Variants in OTUD7A observed in about 807,000 individuals in gnomAD.
The protein encoded by OTUD7A is OTU deubiquitinase 7A, also known as OTU domain-containing protein 7A.
Under a neutral mutation model 65.7 loss-of-function variants are expected in OTUD7A, and 12 were observed. That is an observed-to-expected ratio of 0.18 (90% CI 0.12 to 0.30). The LOEUF is 0.30. OTUD7A is among the 10% of genes least tolerant of loss of function. OTUD7A has a pLI of 1.00. For synonymous variants in OTUD7A, 641 were observed against 586.3 expected, an observed-to-expected ratio of 1.09 and a Z score of -1.35; for missense variants, 1,148 against 1,304.8, an observed-to-expected ratio of 0.88 and a Z score of 1.85.
At chr15:31,623,375 G>GAGGC (rs1347119711) in intron 3 of OTUD7A, among the ~76,000 whole-genome samples, 1 of 152,216 alleles carries the variant, frequency 6.6e-6, no homozygotes, top group Non-Finnish European at 1.5e-5. Flanking sequence ...GGAGTCTACA[G>GAGGC]AGGCAGGCAG....
At chr15:31,497,254 AT>A (rs35331601) in intron 10 of OTUD7A, among the ~76,000 whole-genome samples, 33,561 of 148,064 alleles carry the variant, frequency 0.23, 4,130 homozygotes, top group Non-Finnish European at 0.29. Context: ...TTATATGTTA[AT>A]TTTTTTTTTT....
chr15:31,484,248 GC>G lies in OTUD7A; in HGVS notation c.1847del (p.Gly616AlafsTer10). Reference protein sequence around the residue: ...SPAEKGGGPRGDAWKYSTDVK... With the variant: ...SPAEKGGGPRXDAWKYSTDVK... ...CATCCGTGCTGTACTTCCAGGCGTC[GC>G]CCCGCGGCCCACCGCCCTTCTCCGC... On this transcript the variant is annotated frameshift_variant, in exon 13 of 13. Coordinates refer to ENST00000307050, the MANE Select transcript of OTUD7A (RefSeq NM_001382637.1). LOFTEE classifies it low-confidence loss of function (END_TRUNC). This position sits in a 1 kb window ranked among gnomAD's most constrained non-coding sequence, Gnocchi z 4.5. 6.3e-7 allele frequency: 1 copy of G among 1,597,124 alleles called. No individual in the cohort carries two copies. The highest frequency in any genetic ancestry group is 8.5e-7 in the Non-Finnish European group (1 of 1,174,236).
At chr15:31,513,638 A>G (rs2041796015) in intron 8 of OTUD7A, among the ~76,000 whole-genome samples, 1 of 152,142 alleles carries the variant, frequency 6.6e-6, no homozygotes, top group African/African-American at 2.4e-5. Flanking sequence ...GTTAGATTGG[A>G]TTGGGTCAAG....
At chr15:31,521,171 T>G (rs1388528684) in intron 8 of OTUD7A, among the ~76,000 whole-genome samples, 1 of 152,150 alleles carries the variant, frequency 6.6e-6, no homozygotes, top group East Asian at 1.9e-4. Flanking sequence ...AATTACAATG[T>G]TCACTACTTG....
At chr15:31,763,315 A>G (rs1282482635) in intron 1 of OTUD7A, among the ~76,000 whole-genome samples, 1 of 152,092 alleles carries the variant, frequency 6.6e-6, no homozygotes, top group Admixed American at 6.5e-5. Context: ...ACAACAAAAG[A>G]CAGAAGTCTC....
intron 1 of OTUD7A, among the ~76,000 whole-genome samples, chr15:31,835,926 G>A (rs1301732855): frequency 2.0e-5 from 3 of 146,550 alleles, no homozygotes; most frequent in Non-Finnish European, 4.5e-5. Context: ...CTTACTAGAT[G>A]AGGATCCCTA....
intron 3 of OTUD7A, among the ~76,000 whole-genome samples, chr15:31,644,906 C>A (rs1021857938): frequency 5.9e-5 from 9 of 152,190 alleles, no homozygotes; most frequent in African/African-American, 2.2e-4. Context: ...CTGTATCAGC[C>A]CCAGGCACTG....
chr15:31,640,099 G>C (rs1891466482), intron 3 of OTUD7A, among the ~76,000 whole-genome samples: 1 of 152,160 alleles, frequency 6.6e-6, no homozygotes, highest in Non-Finnish European at 1.5e-5. Flanking sequence ...AGGTTAAAAA[G>C]ATTTTCTCAT....
intron 9 of OTUD7A, among the ~76,000 whole-genome samples, chr15:31,502,178 T>C (rs576887488): frequency 4.6e-5 from 7 of 152,344 alleles, no homozygotes; most frequent in Admixed American, 2.0e-4. Flanking sequence ...AGCATTTGTA[T>C]ACAACAGAGT....
At chr15:31,766,444 A>C (rs1895096735) in intron 1 of OTUD7A, 3 of 1,582,096 alleles carry the variant, frequency 1.9e-6, no homozygotes, top group Non-Finnish European at 1.7e-6. Context: ...AACACAGAAG[A>C]AGCTGGAAGT....
chr15:31,815,632 T>G lies in OTUD7A; in HGVS notation c.-100+54875A>C, dbSNP rs533079358. 2.5e-4 allele frequency among the ~76,000 whole-genome samples: 38 copies of G among 152,328 alleles called. No individual in the cohort carries two copies. The South Asian group carries it at 7.7e-3, about 31-fold the overall frequency. On this transcript the variant is annotated intron_variant, in intron 1 of 12. Coordinates refer to ENST00000307050, the MANE Select transcript of OTUD7A (RefSeq NM_001382637.1). ...TTTGCAAAGATCCTCTGGTCTATGG[T>G]TGGGTCCATTCCGGAAACAGGGCGC...
chr15:31,821,306 T>TTA (rs1345193683), intron 1 of OTUD7A, among the ~76,000 whole-genome samples: 1 of 140,388 alleles, frequency 7.1e-6, no homozygotes, highest in Non-Finnish European at 1.5e-5. Context: ...CAGGTACCTT[T>TTA]TTTTTTTTTT....
intron 6 of OTUD7A, among the ~76,000 whole-genome samples, chr15:31,529,084 G>A (rs1369257602): frequency 6.6e-6 from 1 of 152,166 alleles, no homozygotes; most frequent in Non-Finnish European, 1.5e-5. Flanking sequence ...TGTGGGGTGT[G>A]GCCTTGCCCC....
At chr15:31,805,640 T>C (rs1896250258) in intron 1 of OTUD7A, among the ~76,000 whole-genome samples, 1 of 152,162 alleles carries the variant, frequency 6.6e-6, no homozygotes, top group African/African-American at 2.4e-5. Flanking sequence ...TGACATCACA[T>C]TCAGTGCCTT....
In OTUD7A at chr15:31,855,395, A is replaced by T. The variant is rs78235279; in HGVS notation, c.-100+15112T>A. Among the ~76,000 whole-genome samples the T allele has an allele frequency of 2.3e-4, 35 of 152,360 alleles. No homozygotes were observed. The East Asian group carries it at 6.7e-3, about 29-fold the overall frequency. On this transcript the variant is annotated intron_variant, in intron 1 of 12. Transcript: ENST00000307050. ...AAGAGTTATTTTCAAGCTTGCAAGA[A>T]TTCTTCAAGTTTGAGTGTGCCATGA...
chr15:31,480,005 A>G lies in OTUD7A; in HGVS notation c.*3289T>C, dbSNP rs1257041232. On this transcript the variant is annotated 3_prime_UTR_variant, in exon 13 of 13. Transcript: ENST00000307050. ...TTTCAATAAAAAAAGACACTGATAC[A>G]TTCCCACTTTCAGAAGGTATTTGAA... 3.3e-5 allele frequency: 5 copies of G among 152,180 alleles called. No individual in the cohort carries two copies. The highest frequency in any genetic ancestry group is 4.8e-5 in the African/African-American group (2 of 41,442). The allele number at this position is 152,180 out of a possible 1,614,324, so 9.4% of individuals were successfully genotyped here. A position where few individuals can be genotyped will look rare whatever the true frequency, so the allele number is the denominator to read the frequency against.
At chr15:31,626,400 G>A (rs950228661) in intron 3 of OTUD7A, among the ~76,000 whole-genome samples, 3 of 152,094 alleles carry the variant, frequency 2.0e-5, no homozygotes. Flanking sequence ...TCTAGGTGGT[G>A]GGTACATGGT....
intron 6 of OTUD7A, among the ~76,000 whole-genome samples, chr15:31,528,709 G>A (rs8039067): frequency 0.069 from 10,566 of 152,278 alleles, 427 homozygotes; most frequent in Middle Eastern, 0.11. Context: ...GCATATATCT[G>A]CCTACAGGCC....
chr15:31,576,079 G>C (rs1889194871), intron 3 of OTUD7A, among the ~76,000 whole-genome samples: 2 of 152,106 alleles, frequency 1.3e-5, no homozygotes, highest in Admixed American at 6.5e-5. Flanking sequence ...AGGCAAACCT[G>C]CCTCCCATTT....
Sources: gnomAD v4.1 joint callset for allele counts (sites outside exome capture counted in the v4.1 genomes callset) on GRCh38, gnomAD v4.1.1 for gene constraint, Gnocchi (gnomAD v3.1) non-coding constraint, MANE v1.5 for transcripts, NCBI Gene and HGNC (gene_info 2026-07-23, HGNC 2026-07-21) for gene names.